RANBP17: variants seen among roughly 807,000 people sequenced by gnomAD.
The protein encoded by RANBP17 is RAN binding protein 17, also known as ran-binding protein 17.
Under a neutral mutation model 141.2 loss-of-function variants are expected in RANBP17, and 158 were observed. The ratio of observed to expected loss-of-function variants is 1.12; its 90% confidence interval spans 0.98 to 1.28. RANBP17 has a LOEUF of 1.28. Ranked by LOEUF, RANBP17 falls within the 50% of genes most tolerant of loss-of-function variation. RANBP17 has a pLI of 0.00. For synonymous variants in RANBP17, 430 were observed against 450.0 expected (o/e 0.96, Z 0.56); for missense variants, 1,438 against 1,290.7 (o/e 1.11, Z -1.75).
At chr5:171,168,478 G>A (rs987508747) in intron 14 of RANBP17, among the ~76,000 whole-genome samples, 15 of 152,258 alleles carry the variant, frequency 9.9e-5, no homozygotes, top group African/African-American at 3.1e-4. Context: ...TCGATGCTAG[G>A]TTTTCCAAGG....
At chr5:171,203,059 TA>T (rs1159770208) in intron 19 of RANBP17, among the ~76,000 whole-genome samples, 1 of 152,098 alleles carries the variant, frequency 6.6e-6, no homozygotes, top group African/African-American at 2.4e-5. Context: ...AGTTTCTCCC[TA>T]ACTACCCAAA....
At chr5:171,014,557 G>T (rs1780306138) in intron 14 of RANBP17, among the ~76,000 whole-genome samples, 1 of 151,902 alleles carries the variant, frequency 6.6e-6, no homozygotes, top group African/African-American at 2.4e-5. Context: ...TATCAAAAAA[G>T]AACTTTCCAG....
At chr5:171,274,957 A>T (rs1767397632) in intron 25 of RANBP17, among the ~76,000 whole-genome samples, 1 of 152,244 alleles carries the variant, frequency 6.6e-6, no homozygotes, top group Non-Finnish European at 1.5e-5. Flanking sequence ...AATGGTTAAC[A>T]GAACAGAGAG....
chr5:170,976,360 T>C (rs1321119795), intron 14 of RANBP17, among the ~76,000 whole-genome samples: 1 of 152,164 alleles, frequency 6.6e-6, no homozygotes, highest in East Asian at 1.9e-4. Context: ...TGGAAAGATA[T>C]CTTATGGTCA....
At chr5:170,928,962 A>C (rs1205366828) in intron 12 of RANBP17, among the ~76,000 whole-genome samples, 1 of 151,974 alleles carries the variant, frequency 6.6e-6, no homozygotes, top group Non-Finnish European at 1.5e-5. Flanking sequence ...TTTCTTTGCA[A>C]TATTTTATTG....
At chr5:170,885,082 T>G (rs551716072) in intron 3 of RANBP17, among the ~76,000 whole-genome samples, 28 of 152,206 alleles carry the variant, frequency 1.8e-4, no homozygotes, top group Non-Finnish European at 2.9e-4. Context: ...AGTAAATCCT[T>G]AAAGGCTTTT....
chr5:170,954,855 T>C (rs2127499003), intron 13 of RANBP17, among the ~76,000 whole-genome samples: 1 of 152,214 alleles, frequency 6.6e-6, no homozygotes, highest in South Asian at 2.1e-4. Context: ...GACCAATGTA[T>C]CCTCTGAACC....
chr5:171,235,473 A>G (rs979998388), intron 22 of RANBP17, among the ~76,000 whole-genome samples: 1 of 152,110 alleles, frequency 6.6e-6, no homozygotes, highest in African/African-American at 2.4e-5. Flanking sequence ...GAGAGAGGAG[A>G]TGGGAACTAG....
chr5:171,057,890 C>A (rs576153842), intron 14 of RANBP17, among the ~76,000 whole-genome samples: 115 of 152,168 alleles, frequency 7.6e-4, no homozygotes, highest in Non-Finnish European at 1.3e-3. Context: ...CACCTGGTCT[C>A]GGCCTTGACA....
chr5:170,919,448 A>C lies in RANBP17; in HGVS notation c.1109A>C (p.Glu370Ala), dbSNP rs769935560. The C allele has an allele frequency of 3.0e-5, 47 of 1,570,982 alleles. No homozygotes were observed. The highest frequency in any genetic ancestry group is 3.9e-5 in the Non-Finnish European group (45 of 1,163,088). ...NFTITSLQHW[E>A]FAPNSVHYLL... ...TGCTTTATTTCTTTGTAGCACTGGGAATTTGCTCCTAACAGTGTTCATTAT... is the reference window on the plus strand; with the variant it reads ...TGCTTTATTTCTTTGTAGCACTGGGCATTTGCTCCTAACAGTGTTCATTAT... The change falls in exon 11 of 28, where the codon GAA (glutamate) becomes GCA (alanine). Residue 370 changes from glutamate (E) to alanine (A), a missense_variant. Transcript: ENST00000523189.
At chr5:171,175,262 G>C (rs142230402) in intron 16 of RANBP17, among the ~76,000 whole-genome samples, 74 of 152,254 alleles carry the variant, frequency 4.9e-4, no homozygotes, top group Admixed American at 1.4e-3. Context: ...GTAAACATAC[G>C]TGTGCATGTG....
chr5:171,178,262 A>G lies in RANBP17; in HGVS notation c.1866-4905A>G, dbSNP rs187158206. On this transcript the variant is annotated intron_variant, in intron 16 of 27. Coordinates refer to ENST00000523189, the MANE Select transcript of RANBP17 (RefSeq NM_022897.5). ...GTTCACCTCCCACTTATGAGTGAGA[A>G]CATGTGGTGTTTGGTTTTCTGTTCC... Among the ~76,000 whole-genome samples the G allele has an allele frequency of 2.7e-5, 4 of 148,930 alleles. No homozygotes were observed. The East Asian group carries it at 8.0e-4, about 30-fold the overall frequency.
intron 14 of RANBP17, among the ~76,000 whole-genome samples, chr5:171,089,380 T>C (rs1181644858): frequency 6.9e-4 from 103 of 150,266 alleles, no homozygotes; most frequent in African/African-American, 9.6e-4. Flanking sequence ...GACAGGGACA[T>C]TTAAGTTTGC....
chr5:171,263,926 G>C (rs1581144809), intron 24 of RANBP17, among the ~76,000 whole-genome samples: 1 of 152,126 alleles, frequency 6.6e-6, no homozygotes, highest in South Asian at 2.1e-4. Context: ...GCCAGGCATG[G>C]TAGTGCACAG....
At chr5:170,941,931 G>A (rs1017316379) in intron 12 of RANBP17, among the ~76,000 whole-genome samples, 4 of 152,082 alleles carry the variant, frequency 2.6e-5, no homozygotes, top group Admixed American at 6.6e-5. Flanking sequence ...CTAGAACAGG[G>A]GTCCCCAAAC....
intron 12 of RANBP17, among the ~76,000 whole-genome samples, chr5:170,932,329 A>C (rs925021703): frequency 6.6e-6 from 1 of 152,058 alleles, no homozygotes; most frequent in African/African-American, 2.4e-5. Context: ...GGGTTTTCTA[A>C]ATATACAATC....
At chr5:171,252,997 G>A (rs184630523) in intron 24 of RANBP17, 12 of 1,209,508 alleles carry the variant, frequency 9.9e-6, no homozygotes, top group East Asian at 2.3e-5. Context: ...AGGGGGAACC[G>A]TGATGAAGAG....
At chr5:171,176,021 A>G (rs537773995) in intron 16 of RANBP17, among the ~76,000 whole-genome samples, 2 of 152,240 alleles carry the variant, frequency 1.3e-5, no homozygotes, top group South Asian at 4.1e-4. Context: ...CCACTATGCA[A>G]GTATACAGCC....
intron 25 of RANBP17, among the ~76,000 whole-genome samples, chr5:171,289,476 T>C (rs1460175202): frequency 6.6e-6 from 1 of 152,150 alleles, no homozygotes; most frequent in Non-Finnish European, 1.5e-5. Context: ...CCAGGCACAG[T>C]GGCTCACTCC....
Sources: gnomAD v4.1 joint callset for allele counts (sites outside exome capture counted in the v4.1 genomes callset) on GRCh38, gnomAD v4.1.1 for gene constraint, MANE v1.5 for transcripts, NCBI Gene and HGNC (gene_info 2026-07-23, HGNC 2026-07-21) for gene names.